ILRUN: variants seen among roughly 807,000 people sequenced by gnomAD.
ILRUN encodes the protein inflammation and lipid regulator with UBA-like and NBR1-like domains.
Under a neutral mutation model 33.8 loss-of-function variants are expected in ILRUN, and 3 were observed. The ratio of observed to expected loss-of-function variants is 0.09; its 90% CI spans 0.04 to 0.23. ILRUN has a LOEUF of 0.23. Among genes scored for constraint, ILRUN ranks in the 10% least tolerant of loss-of-function variants. The pLI is 1.00. For missense variants in ILRUN, 210 were observed against 375.1 expected, an observed-to-expected ratio of 0.56 and a Z score of 3.64; for synonymous variants, 124 against 138.9, an observed-to-expected ratio of 0.89 and a Z score of 0.75.
intron 3 of ILRUN, among the ~76,000 whole-genome samples, chr6:34,640,578 C>T (rs1337871417): frequency 2.6e-5 from 4 of 152,014 alleles, no homozygotes; most frequent in East Asian, 3.9e-4. Flanking sequence ...GGTGTGGTGG[C>T]GCGCACCTGT....
chr6:34,670,266 G>T (rs960101587), intron 1 of ILRUN, among the ~76,000 whole-genome samples: 1 of 152,092 alleles, frequency 6.6e-6, no homozygotes, highest in Admixed American at 6.6e-5. Flanking sequence ...AAGGCTGGGG[G>T]GTGGGTATGG....
At chr6:34,644,841 G>T (rs1762536227) in intron 3 of ILRUN, among the ~76,000 whole-genome samples, 1 of 152,018 alleles carries the variant, frequency 6.6e-6, no homozygotes, top group African/African-American at 2.4e-5. Context: ...GAAATAAAAG[G>T]ATATTTCAGG....
At chr6:34,662,657 T>TA (rs1307326397) in intron 1 of ILRUN, among the ~76,000 whole-genome samples, 4 of 152,228 alleles carry the variant, frequency 2.6e-5, no homozygotes, top group African/African-American at 7.2e-5. Flanking sequence ...GTCAAATACT[T>TA]ACATGGAAAG....
At chr6:34,649,620 C>A (rs1158064554) in intron 2 of ILRUN, among the ~76,000 whole-genome samples, 2 of 152,200 alleles carry the variant, frequency 1.3e-5, no homozygotes, top group Non-Finnish European at 2.9e-5. Context: ...AAAAGTCCAA[C>A]AGTCCCAGGG....
rs759186363 is a variant in ILRUN at position 34,639,385 on chromosome 6, AGAG to A, written c.511+7213_511+7215del. On this transcript the variant is annotated intron_variant, in intron 3 of 4. Transcript: ENST00000374023. Reference sequence around the variant, plus strand: ...TTTCACAACTAGGACCCTGAGAGTTAGAGGAAACCGTCATGGTACAGGGTAAAT... The same window carrying A: ...TTTCACAACTAGGACCCTGAGAGTTAGAAACCGTCATGGTACAGGGTAAAT... Among the ~76,000 whole-genome samples the A allele has an allele frequency of 3.3e-5, 5 of 152,222 alleles. No individual in the cohort carries two copies. The East Asian group carries it at 9.6e-4, about 29-fold the overall frequency.
chr6:34,682,919 T>TA (rs895461900), intron 1 of ILRUN, among the ~76,000 whole-genome samples: 39 of 147,434 alleles, frequency 2.6e-4, no homozygotes, highest in South Asian at 8.6e-4. Flanking sequence ...AAAATAAAGT[T>TA]AAAAAAAAAA....
At chr6:34,685,909 CA>C (rs1276517238) in intron 1 of ILRUN, among the ~76,000 whole-genome samples, 2 of 152,046 alleles carry the variant, frequency 1.3e-5, no homozygotes, top group Non-Finnish European at 2.9e-5. Context: ...ATTAATTATA[CA>C]AAATGGATAT....
rs1174580902 is a variant in ILRUN, at chr6:34,645,592, G to A, written c.511+1009C>T. On this transcript the variant is annotated intron_variant, in intron 3 of 4. Coordinates refer to ENST00000374023, the MANE Select transcript of ILRUN (RefSeq NM_024294.4). ...TCTCTGTTTTGCCCAGGCTGATCTC[G>A]AGCCTCTGGGTTCATGCAATTCTCC... is the stretch of plus-strand genomic sequence containing the variant. Among the ~76,000 whole-genome samples the A allele has an allele frequency of 2.0e-5, 3 of 151,990 alleles. No individual in the cohort carries two copies. In the East Asian group the frequency reaches 5.8e-4, roughly 29 times the overall value.
chr6:34,623,253 C>CAAAACA (rs1257755425), intron 3 of ILRUN, among the ~76,000 whole-genome samples: 1 of 152,088 alleles, frequency 6.6e-6, no homozygotes, highest in Non-Finnish European at 1.5e-5. Flanking sequence ...CACAATTAAT[C>CAAAACA]AAAACAAAAA....
intron 1 of ILRUN, among the ~76,000 whole-genome samples, chr6:34,680,240 C>T (rs752510679): frequency 6.6e-6 from 1 of 152,166 alleles, no homozygotes; most frequent in Non-Finnish European, 1.5e-5. Context: ...TTAAATTATA[C>T]ATTAAATATA....
At chr6:34,688,320 A>C (rs1172222212) in intron 1 of ILRUN, among the ~76,000 whole-genome samples, 1 of 151,186 alleles carries the variant, frequency 6.6e-6, no homozygotes, top group Non-Finnish European at 1.5e-5. Flanking sequence ...GGGAGGATGG[A>C]TTGAGCCCAG....
intron 1 of ILRUN, among the ~76,000 whole-genome samples, chr6:34,676,442 C>A (rs6914714): frequency 0.17 from 25,443 of 149,814 alleles, 2,988 homozygotes; most frequent in African/African-American, 0.33. Flanking sequence ...AGCTAGCTAG[C>A]TAGATAGATA....
chr6:34,648,573 G>A (rs1762602367), intron 2 of ILRUN, among the ~76,000 whole-genome samples: 1 of 152,158 alleles, frequency 6.6e-6, no homozygotes, highest in Non-Finnish European at 1.5e-5. Context: ...GAAAGGCTGT[G>A]GATGATATAC....
At chr6:34,607,085 T>C (rs1266319921) in intron 3 of ILRUN, among the ~76,000 whole-genome samples, 181 bp from the exon 4 acceptor site, 1 of 152,242 alleles carries the variant, frequency 6.6e-6, no homozygotes, top group African/African-American at 2.4e-5. Flanking sequence ...AGCTACATTT[T>C]TGGTAATGTC....
chr6:34,620,004 G>C (rs1049504054), intron 3 of ILRUN, among the ~76,000 whole-genome samples: 3 of 141,500 alleles, frequency 2.1e-5, no homozygotes, highest in Admixed American at 1.4e-4. Flanking sequence ...AAAAAAAAAA[G>C]CTAAGATGCA....
chr6:34,615,588 T>C (rs1761870413), intron 3 of ILRUN, among the ~76,000 whole-genome samples: 1 of 152,108 alleles, frequency 6.6e-6, no homozygotes, highest in South Asian at 2.1e-4. Context: ...AGAGCGAGAC[T>C]CCATCTTAAA....
chr6:34,652,745 T>G (rs1233626947), intron 2 of ILRUN, among the ~76,000 whole-genome samples: 3 of 152,146 alleles, frequency 2.0e-5, no homozygotes, highest in African/African-American at 7.2e-5. Flanking sequence ...TCAGAATTTT[T>G]CTCTGAAGTT....
In ILRUN at chr6:34,653,141, A is replaced by G. The variant is rs1042870034; in HGVS notation, c.313+1484T>C. ...GAGTGAGACCTTGTCTCAAAAAAAA[A>G]AAAAAAAAAAGAAAAAGAAAGAAAG... On this transcript the variant is annotated intron_variant, in intron 2 of 4. Coordinates refer to ENST00000374023, the MANE Select transcript of ILRUN (RefSeq NM_024294.4). Among the ~76,000 whole-genome samples the G allele has an allele frequency of 4.3e-4, 63 of 147,348 alleles. 1 individual carries two copies. The highest frequency in any genetic ancestry group is 1.5e-3 in the African/African-American group (58 of 39,604).
At chr6:34,636,433 GAACT>G (rs1398643921) in intron 3 of ILRUN, among the ~76,000 whole-genome samples, 1 of 151,696 alleles carries the variant, frequency 6.6e-6, no homozygotes, top group Non-Finnish European at 1.5e-5. Flanking sequence ...AAAAATTACA[GAACT>G]AATTTCTAAC....
Sources: allele counts gnomAD v4.1 joint callset (sites outside exome capture counted in the v4.1 genomes callset), GRCh38; gene constraint gnomAD v4.1.1; transcripts MANE v1.5; gene names NCBI Gene and HGNC (gene_info 2026-07-23, HGNC 2026-07-21).